The following DIPK1A variants were observed in gnomAD, a reference collection of about 807,000 sequenced individuals.
DIPK1A encodes the protein divergent protein kinase domain 1A.
A neutral mutation model predicts 40.8 loss-of-function variants in DIPK1A; 27 were observed. That is an observed-to-expected ratio of 0.66 (90% CI 0.49 to 0.91). The LOEUF (loss-of-function observed/expected upper bound fraction) is 0.91. Ranked by LOEUF, DIPK1A falls within the 40% of genes least tolerant of loss-of-function variation. The pLI, the probability that DIPK1A is intolerant of heterozygous loss-of-function variation, is 0.00. For missense variants in DIPK1A, 412 were observed against 505.7 expected (o/e 0.81, Z 1.78); for synonymous variants, 166 against 171.3 (o/e 0.97, Z 0.24).
At chr1:92,849,951 G>A (rs2989014) in intron 3 of DIPK1A, among the ~76,000 whole-genome samples, 127,844 of 152,064 alleles carry the variant, frequency 0.84, 54,519 homozygotes, top group East Asian at 0.96. Flanking sequence ...CCACGGGCCC[G>A]GCTGTTTGTA....
At position 92,843,708 on chromosome 1, in the gene DIPK1A, T is replaced by G; in HGVS notation, c.962A>C (p.Asn321Thr). The G allele has an allele frequency of 2.6e-6, 4 of 1,551,742 alleles. No individual in the cohort carries two copies. Among genetic ancestry groups the G allele is most frequent in the Non-Finnish European group, 3.5e-6 (4 of 1,146,994 alleles). Residue 321 changes from asparagine (N) to threonine (T), a missense_variant, in exon 5 of 5, where the codon AAC (asparagine) becomes ACC (threonine). Transcript: ENST00000370310. ...VDMRKIVPETNLKELIKDRHC... is the reference protein window; with the variant it reads ...VDMRKIVPETTLKELIKDRHC... ...ACGATCCTTAATAAGTTCTTTCAGG[T>G]TTGTCTCTGGCACAATTTTTCTCAT...
intron 3 of DIPK1A, among the ~76,000 whole-genome samples, chr1:92,847,833 T>C (rs1687688984): frequency 6.6e-6 from 1 of 152,178 alleles, no homozygotes; most frequent in African/African-American, 2.4e-5. Context: ...AGTCCTGAGC[T>C]CAAGGAATCT....
chr1:92,898,136 G>A (rs909187216), intron 1 of DIPK1A, among the ~76,000 whole-genome samples: 1 of 147,728 alleles, frequency 6.8e-6, no homozygotes, highest in East Asian at 2.0e-4. Context: ...AAAAACAAGA[G>A]GTTTAATTGG....
chr1:92,876,803 A>T (rs1006777615), intron 1 of DIPK1A, among the ~76,000 whole-genome samples: 5 of 152,196 alleles, frequency 3.3e-5, no homozygotes, highest in African/African-American at 1.2e-4. Context: ...ACTCTTTCAC[A>T]TAAGAATCTT....
chr1:92,911,536 T>C (rs1381199059), intron 1 of DIPK1A, among the ~76,000 whole-genome samples: 3 of 152,224 alleles, frequency 2.0e-5, no homozygotes, highest in African/African-American at 7.2e-5. Flanking sequence ...TAGTATTCTA[T>C]ATTATATACG....
chr1:92,938,097 C>A (rs1651011933), intron 1 of DIPK1A, among the ~76,000 whole-genome samples: 1 of 152,178 alleles, frequency 6.6e-6, no homozygotes, highest in Admixed American at 6.5e-5. Context: ...CGTGGTGAAA[C>A]CTTGTCTCTA....
intron 1 of DIPK1A, among the ~76,000 whole-genome samples, chr1:92,954,300 A>AC (rs1416394955): frequency 1.5e-5 from 2 of 130,518 alleles, no homozygotes; most frequent in Non-Finnish European, 3.7e-5. Context: ...CCTGTCTCAC[A>AC]AAAAAAAAAA....
At chr1:92,886,590 C>T (rs1648611110) in intron 1 of DIPK1A, among the ~76,000 whole-genome samples, 1 of 151,974 alleles carries the variant, frequency 6.6e-6, no homozygotes, top group Non-Finnish European at 1.5e-5. Context: ...CTAACCCTAT[C>T]TGTATTGTTG....
At chr1:92,849,268 T>C (rs1281240679) in intron 3 of DIPK1A, among the ~76,000 whole-genome samples, 1 of 152,218 alleles carries the variant, frequency 6.6e-6, no homozygotes, top group Non-Finnish European at 1.5e-5. Context: ...TATTTATTTA[T>C]TTATCAACTG....
intron 2 of DIPK1A, among the ~76,000 whole-genome samples, chr1:92,860,646 A>AAAAAAAAAGCCAGGTG (rs148916481): frequency 8.7e-4 from 92 of 105,166 alleles, no homozygotes; most frequent in Non-Finnish European, 1.3e-3. Flanking sequence ...AAAAAAAAAA[A>AAAAAAAAAGCCAGGTG]TGGTGGTGTG....
At chr1:92,954,752 C>A (rs1294259002) in intron 1 of DIPK1A, among the ~76,000 whole-genome samples, 13 of 151,918 alleles carry the variant, frequency 8.6e-5, no homozygotes, top group Non-Finnish European at 1.2e-4. Context: ...CTTTTAGAAA[C>A]AACTTTTAAA....
chr1:92,907,911 G>T (rs761593080), intron 1 of DIPK1A, among the ~76,000 whole-genome samples: 2 of 152,216 alleles, frequency 1.3e-5, no homozygotes, highest in Non-Finnish European at 2.9e-5. Context: ...CTAGCACCCA[G>T]GCTGGAGTTC....
chr1:92,854,941 A>G (rs1367369362), intron 2 of DIPK1A, among the ~76,000 whole-genome samples: 1 of 152,178 alleles, frequency 6.6e-6, no homozygotes, highest in African/African-American at 2.4e-5. Context: ...GGTATGGTTT[A>G]GGGTTTCCAA....
At chr1:92,892,632 T>A (rs576714491) in intron 1 of DIPK1A, among the ~76,000 whole-genome samples, 1 of 152,072 alleles carries the variant, frequency 6.6e-6, no homozygotes, top group East Asian at 1.9e-4. Flanking sequence ...TCACCAGCAA[T>A]GGAACAAAGC....
intron 2 of DIPK1A, among the ~76,000 whole-genome samples, chr1:92,854,001 C>T (rs949389073): frequency 6.6e-6 from 1 of 152,198 alleles, no homozygotes; most frequent in Non-Finnish European, 1.5e-5. Flanking sequence ...ATCCTCTTGC[C>T]TCAGTCTCCC....
intron 1 of DIPK1A, among the ~76,000 whole-genome samples, chr1:92,923,907 G>C (rs1220436648): frequency 1.3e-5 from 2 of 152,112 alleles, no homozygotes; most frequent in Admixed American, 6.5e-5. Context: ...AAACAAAAAC[G>C]AAACTACAAT....
intron 1 of DIPK1A, among the ~76,000 whole-genome samples, chr1:92,957,200 A>T (rs1294309077): frequency 2.0e-5 from 3 of 152,254 alleles, no homozygotes; most frequent in Non-Finnish European, 4.4e-5. Flanking sequence ...CTTAGTTTGT[A>T]GAAAACACAC....
intron 2 of DIPK1A, among the ~76,000 whole-genome samples, chr1:92,868,105 G>A (rs1475007796): frequency 6.6e-6 from 1 of 152,186 alleles, no homozygotes; most frequent in Non-Finnish European, 1.5e-5. Flanking sequence ...CTGTGATGCA[G>A]GTAGGACAGA....
At chr1:92,837,618 C>T (rs766117227), downstream of DIPK1A, 22 of 1,611,608 alleles carry the variant, frequency 1.4e-5, no homozygotes, top group African/African-American at 5.3e-5. Context: ...TAAAGAACAG[C>T]GTAACTCCAG....
Sources: allele counts gnomAD v4.1 joint callset (sites outside exome capture counted in the v4.1 genomes callset), GRCh38; gene constraint gnomAD v4.1.1; transcripts MANE v1.5; gene names NCBI Gene and HGNC (gene_info 2026-07-23, HGNC 2026-07-21).